The following CCSER1 variants were observed in gnomAD, a reference collection of about 807,000 sequenced individuals.
CCSER1 encodes coiled-coil serine rich protein 1.
A neutral mutation model predicts 82.0 loss-of-function variants in CCSER1; 41 were observed. The ratio of observed to expected loss-of-function variants is 0.50; its 90% confidence interval spans 0.39 to 0.65. CCSER1 has a LOEUF of 0.65. Among genes scored for constraint, CCSER1 ranks in the 30% least tolerant of loss-of-function variants. The pLI, the probability that CCSER1 is intolerant of heterozygous loss-of-function variation, is 0.00. For synonymous variants in CCSER1, 414 were observed against 383.9 expected, an observed-to-expected ratio of 1.08 and a Z score of -0.92; for missense variants, 1,119 against 1,064.2, an observed-to-expected ratio of 1.05 and a Z score of -0.72.
intron 10 of CCSER1, among the ~76,000 whole-genome samples, chr4:91,326,993 C>T (rs373315849): frequency 1.7e-4 from 26 of 152,286 alleles, no homozygotes; most frequent in Middle Eastern, 3.4e-3. Context: ...GAAGGCACAG[C>T]CCATGCAGCT....
chr4:90,756,062 A>G (rs2149500093), intron 7 of CCSER1, among the ~76,000 whole-genome samples: 1 of 152,146 alleles, frequency 6.6e-6, no homozygotes, highest in East Asian at 1.9e-4. Flanking sequence ...CCTTTTCTGT[A>G]CTAAAAATAT....
At chr4:90,568,695 T>A (rs6821905) in intron 5 of CCSER1, among the ~76,000 whole-genome samples, 6,395 of 152,170 alleles carry the variant, frequency 0.042, 340 homozygotes, top group African/African-American at 0.12. Flanking sequence ...ACCACCATTT[T>A]GTCCATTTTG....
intron 7 of CCSER1, among the ~76,000 whole-genome samples, chr4:90,799,361 G>A (rs1471489727): frequency 3.9e-5 from 6 of 152,182 alleles, no homozygotes; most frequent in Non-Finnish European, 4.4e-5. Flanking sequence ...GGGACAGACA[G>A]TCTGTGAGGT....
At chr4:90,627,283 T>G (rs1187276666) in intron 5 of CCSER1, among the ~76,000 whole-genome samples, 1 of 152,116 alleles carries the variant, frequency 6.6e-6, no homozygotes, top group African/African-American at 2.4e-5. Flanking sequence ...GTGAATAAAA[T>G]TAATTAAAAT....
intron 10 of CCSER1, among the ~76,000 whole-genome samples, chr4:91,178,116 C>T (rs932648871): frequency 1.2e-4 from 19 of 152,044 alleles, no homozygotes; most frequent in South Asian, 8.3e-4. Flanking sequence ...TGTAGTTGAG[C>T]GGTTTTGAGT....
intron 10 of CCSER1, among the ~76,000 whole-genome samples, chr4:91,299,110 G>A (rs1250134418): frequency 6.6e-6 from 1 of 151,872 alleles, no homozygotes; most frequent in Non-Finnish European, 1.5e-5. Context: ...GTGAACCACT[G>A]CTTTAAATAA....
chr4:91,593,467 C>CTTTGTTTTTTTTTTTTTT (rs1764365833), intron 10 of CCSER1, among the ~76,000 whole-genome samples: 1 of 55,020 alleles, frequency 1.8e-5, no homozygotes, highest in Non-Finnish European at 3.3e-5. Flanking sequence ...CAACCCCGTG[C>CTTTGTTTTTTTTTTTTTT]TTTTTTTTTT....
intron 9 of CCSER1, among the ~76,000 whole-genome samples, chr4:90,991,285 T>C (rs1737006577): frequency 6.6e-6 from 1 of 151,964 alleles, no homozygotes; most frequent in Non-Finnish European, 1.5e-5. Flanking sequence ...AGAGATGACA[T>C]AACAAATTAC....
intron 10 of CCSER1, among the ~76,000 whole-genome samples, chr4:91,348,932 G>A (rs763812100): frequency 5.9e-5 from 9 of 151,610 alleles, no homozygotes; most frequent in Admixed American, 2.6e-4. Flanking sequence ...TTTTTGAGAC[G>A]GAGTCTCACT....
At chr4:91,440,835 C>T (rs1425220332) in intron 10 of CCSER1, among the ~76,000 whole-genome samples, 2 of 152,276 alleles carry the variant, frequency 1.3e-5, no homozygotes, top group South Asian at 4.1e-4. Flanking sequence ...GACAATACTA[C>T]AAACACCTCT....
chr4:90,824,763 G>A (rs1395789789), intron 8 of CCSER1, among the ~76,000 whole-genome samples: 1 of 152,098 alleles, frequency 6.6e-6, no homozygotes, highest in African/African-American at 2.4e-5. Flanking sequence ...CATAGAAATG[G>A]ACAGCTGTAA....
chr4:91,002,222 A>G (rs990048250), intron 9 of CCSER1, among the ~76,000 whole-genome samples: 11 of 152,194 alleles, frequency 7.2e-5, no homozygotes, highest in Non-Finnish European at 1.5e-4. Flanking sequence ...CCTGAAGACA[A>G]TGTGCTGAGG....
intron 10 of CCSER1, among the ~76,000 whole-genome samples, chr4:91,532,509 T>C (rs1415474849): frequency 6.6e-6 from 1 of 152,120 alleles, no homozygotes; most frequent in East Asian, 1.9e-4. Flanking sequence ...AATAAGTAAG[T>C]AAAGTTAGAT....
chr4:91,237,663 AAAGGTATTTG>A lies in CCSER1; in HGVS notation c.2217+151675_2217+151684del, dbSNP rs554918071. ...AGATAGAACAAATTTATTTGTCAGT[AAAGGTATTTG>A]AAGGTTCAGGGCAAACTCTAGATTG... On this transcript the variant is annotated intron_variant, in intron 10 of 10. Transcript: ENST00000509176. Among the ~76,000 whole-genome samples the A allele has an allele frequency of 5.3e-5, 8 of 152,264 alleles. 1 individual carries two copies. In the South Asian group the frequency reaches 1.7e-3, roughly 32 times the overall value.
chr4:91,465,371 T>C (rs1272344863), intron 10 of CCSER1, among the ~76,000 whole-genome samples: 2 of 152,102 alleles, frequency 1.3e-5, no homozygotes, highest in East Asian at 1.9e-4. Context: ...TAGAGGGAAA[T>C]TTATAGCACT....
intron 5 of CCSER1, among the ~76,000 whole-genome samples, chr4:90,527,514 T>A (rs1317457274): frequency 6.6e-6 from 1 of 152,122 alleles, no homozygotes; most frequent in Non-Finnish European, 1.5e-5. Context: ...TTATTACATG[T>A]TAGATGATGT....
chr4:90,879,739 G>A (rs115936402), intron 8 of CCSER1, among the ~76,000 whole-genome samples: 2,142 of 152,244 alleles, frequency 0.014, 23 homozygotes, highest in Non-Finnish European at 0.02. Flanking sequence ...TGGAGAACTG[G>A]TGCAGTTGTT....
rs928983071 is a variant in CCSER1, at chr4:91,602,668, T to C, written c.*3611T>C. 2.0e-5 allele frequency among the ~76,000 whole-genome samples: 3 copies of C among 152,020 alleles called. No homozygotes were observed. Among genetic ancestry groups the C allele is most frequent in the African/African-American group, 7.2e-5 (3 of 41,426 alleles). ...CAGAACTTAACATTCTAAACAGCTA[T>C]AGAAGGAAGTGGTTCAAAATAACCC... is the stretch of plus-strand genomic sequence containing the variant. On this transcript the variant is annotated 3_prime_UTR_variant, in exon 11 of 11. Transcript: ENST00000509176.
chr4:90,687,480 T>A (rs1478490445), intron 6 of CCSER1, among the ~76,000 whole-genome samples: 2 of 152,064 alleles, frequency 1.3e-5, no homozygotes, highest in Non-Finnish European at 2.9e-5. Context: ...TGCTGGGTCA[T>A]CTGTGACAGC....
Sources: allele counts gnomAD v4.1 joint callset (sites outside exome capture counted in the v4.1 genomes callset), GRCh38; gene constraint gnomAD v4.1.1; transcripts MANE v1.5; gene names NCBI Gene and HGNC (gene_info 2026-07-23, HGNC 2026-07-21).